Variants in RWDD2B observed in about 807,000 individuals in gnomAD.
RWDD2B encodes the protein RWD domain-containing protein 2B.
A neutral mutation model predicts 33.6 loss-of-function variants in RWDD2B; 36 were observed. That is an observed-to-expected ratio of 1.07 (90% CI 0.82 to 1.42). RWDD2B has a LOEUF of 1.42. Among genes scored for constraint, RWDD2B ranks in the 40% most tolerant of loss-of-function variants. RWDD2B has a pLI of 0.00. For missense variants in RWDD2B, 364 were observed against 377.5 expected, an observed-to-expected ratio of 0.96 and a Z score of 0.30; for synonymous variants, 126 against 133.1, an observed-to-expected ratio of 0.95 and a Z score of 0.37.
chr21:29,012,959 T>C (rs2084871715), intron 1 of RWDD2B, among the ~76,000 whole-genome samples: 1 of 152,168 alleles, frequency 6.6e-6, no homozygotes, highest in African/African-American at 2.4e-5. Flanking sequence ...TCTTTCAACA[T>C]ATGTTAAGTG....
In RWDD2B at chr21:29,008,113, A is replaced by G. The variant is rs772094096; in HGVS notation, c.373T>C (p.Leu125=). 1.2e-6 allele frequency: 2 copies of G among 1,613,134 alleles called. No individual in the cohort carries two copies. Among genetic ancestry groups the G allele is most frequent in the Admixed American group, 3.3e-5 (2 of 59,914 alleles). Residue 125 remains leucine, a synonymous_variant, in exon 4 of 5, where the codon TTG becomes CTG. Coordinates refer to ENST00000493196, the MANE Select transcript of RWDD2B (RefSeq NM_016940.3). ...AGCTGAGTCTGCTGGGATCTACTCAATAATACTGATCTAATAGAAAAGATA... is the reference window on the plus strand; with the variant it reads ...AGCTGAGTCTGCTGGGATCTACTCAGTAATACTGATCTAATAGAAAAGATA... ...LPEITVRSVL[L]SRSQQTQLNT...
intron 1 of RWDD2B, among the ~76,000 whole-genome samples, chr21:29,010,256 A>G (rs1403546348): frequency 6.6e-6 from 1 of 152,008 alleles, no homozygotes; most frequent in African/African-American, 2.4e-5. Flanking sequence ...ACAGAACAGA[A>G]ATTTACAATT....
rs1284547204 is a variant in RWDD2B, at chr21:29,004,514, T to C, written c.*1903A>G. ...GCCACTTTAGCTGCTTAAAGTAATA[T>C]ATGCATCATCTGCCCCCTTTGGTGG... is the stretch of plus-strand genomic sequence containing the variant. On this transcript the variant is annotated 3_prime_UTR_variant, in exon 5 of 5. Coordinates refer to ENST00000493196, the MANE Select transcript of RWDD2B (RefSeq NM_016940.3). The C allele has an allele frequency of 1.3e-5, 2 of 152,238 alleles. No homozygotes were observed. The highest frequency in any genetic ancestry group is 2.9e-5 in the Non-Finnish European group (2 of 68,044). 9.4% of individuals were successfully genotyped at this position (152,238 alleles called of 1,614,324 possible). A position where few individuals can be genotyped will look rare whatever the true frequency, so the allele number is the denominator to read the frequency against.
At chr21:29,012,612 A>G (rs7277778) in intron 1 of RWDD2B, among the ~76,000 whole-genome samples, 102,758 of 150,756 alleles carry the variant, frequency 0.68, 35,672 homozygotes, top group South Asian at 0.78. Context: ...CCTAATCTCA[A>G]GTACCCAGGG....
intron 1 of RWDD2B, among the ~76,000 whole-genome samples, chr21:29,018,353 A>C (rs1376835551): frequency 6.6e-6 from 1 of 152,222 alleles, no homozygotes; most frequent in Non-Finnish European, 1.5e-5. Flanking sequence ...ACACCTGTTA[A>C]ATAGAGAGGT....
In RWDD2B at chr21:29,008,300, A is replaced by T; in HGVS notation, c.302T>A (p.Phe101Tyr). The T allele has an allele frequency of 6.2e-7, 1 of 1,614,196 alleles. No homozygotes were observed. The highest frequency in any genetic ancestry group is 8.5e-7 in the Non-Finnish European group (1 of 1,179,998). The change falls in exon 3 of 5, where the codon TTT (phenylalanine) becomes TAT (tyrosine). Residue 101 changes from phenylalanine (F) to tyrosine (Y), a missense_variant. Phe to Tyr is a conservative substitution (Grantham distance 22). Transcript: ENST00000493196. Reference protein sequence around the residue: ...LDVSDEKMAMFSLACILPFKY... With the variant: ...LDVSDEKMAMYSLACILPFKY... The stretch of plus-strand genomic sequence containing the variant: ...AAAGGGAAGAATACAGGCCAGAGAA[A>T]ACATCGCCTGATTAAAGAGAAGAAG...
chr21:29,018,233 C>T (rs2084899262), intron 1 of RWDD2B, among the ~76,000 whole-genome samples: 2 of 152,158 alleles, frequency 1.3e-5, no homozygotes, highest in East Asian at 3.8e-4. Flanking sequence ...GGAAGAATGA[C>T]TCCGGGGCTT....
At chr21:29,012,448 G>A (rs2084869052) in intron 1 of RWDD2B, among the ~76,000 whole-genome samples, 1 of 151,950 alleles carries the variant, frequency 6.6e-6, no homozygotes, top group African/African-American at 2.4e-5. Context: ...TTCTGCCTTG[G>A]GATCCTGTAG....
intron 1 of RWDD2B, among the ~76,000 whole-genome samples, chr21:29,015,223 CG>C (rs2084883831): frequency 1.4e-5 from 1 of 73,324 alleles, no homozygotes; most frequent in East Asian, 3.2e-4. Flanking sequence ...GATTATGATG[CG>C]TTTTTTTTTT....
chr21:29,008,334 C>G (rs1425960569), intron 2 of RWDD2B, 27 bp from the exon 3 acceptor site: 1 of 1,612,728 alleles, frequency 6.2e-7, no homozygotes, highest in African/African-American at 1.3e-5. Context: ...AGAAAAAGTG[C>G]ACTAACCAAT....
chr21:29,016,965 A>C (rs987321203), intron 1 of RWDD2B, among the ~76,000 whole-genome samples: 2 of 126,670 alleles, frequency 1.6e-5, no homozygotes, highest in African/African-American at 5.1e-5. Context: ...AATTAAAAAA[A>C]CCTTTTTTTT....
rs370905640 is a variant in RWDD2B, at chr21:29,007,962, G to A, written c.524C>T (p.Thr175Ile). 8.9e-5 allele frequency: 143 copies of A among 1,614,208 alleles called. 2 individuals carry two copies. In the South Asian group the frequency reaches 1.3e-3, roughly 15 times the overall value. ...AACTGACTGGACTGTGCTTCCTGTG[G>A]TGGGTGAAGATGAAGTATCTCTGCT... ...YVSRDTSSSP[T>I]TGSTVQSVDL... Residue 175 changes from threonine to isoleucine, a missense_variant, in exon 4 of 5, where the codon ACC (threonine) becomes ATC (isoleucine). Thr to Ile is a moderately conservative substitution (Grantham distance 89). Coordinates refer to ENST00000493196, the MANE Select transcript of RWDD2B (RefSeq NM_016940.3).
Position 29,006,592 on chromosome 21 carries a change from T to C in RWDD2B, c.785A>G (p.Asp262Gly), listed in dbSNP as rs1601018425. ...LIRHREDIPF[D>G]GTNDETERQR... ...TCTTTCCGTTTCATCATTTGTACCA[T>C]CAAAAGGAATGTCTTCTCGATGGCG... is the stretch of plus-strand genomic sequence containing the variant. The change falls in exon 5 of 5, where the codon GAT becomes GGT. Residue 262 changes from aspartate (D) to glycine (G), a missense_variant. Coordinates refer to ENST00000493196, the MANE Select transcript of RWDD2B (RefSeq NM_016940.3). 2 of 1,613,772 alleles carry C rather than the reference T, an allele frequency of 1.2e-6. No homozygotes were observed. Among genetic ancestry groups the C allele is most frequent in the African/African-American group, 2.7e-5 (2 of 75,056 alleles).
chr21:29,009,775 A>G (rs766399442), intron 1 of RWDD2B: 4 of 152,212 alleles, frequency 2.6e-5, no homozygotes, highest in Admixed American at 6.5e-5. Flanking sequence ...ACCCCTGTTA[A>G]CATTAAAACA....
In RWDD2B at chr21:29,019,301, G is replaced by C; in HGVS notation, c.-24C>G. The C allele has an allele frequency of 6.4e-7, 1 of 1,568,958 alleles. No individual in the cohort carries two copies. Among genetic ancestry groups the C allele is most frequent in the Non-Finnish European group, 8.7e-7 (1 of 1,151,924 alleles). ...ATCAGAAGGGAGCCTCAAAATTCTAGCATACTGCGACCCAAAACTTACAAA... is the reference window on the plus strand; with the variant it reads ...ATCAGAAGGGAGCCTCAAAATTCTACCATACTGCGACCCAAAACTTACAAA... On this transcript the variant is annotated 5_prime_UTR_variant, in exon 1 of 5. Coordinates refer to ENST00000493196, the MANE Select transcript of RWDD2B (RefSeq NM_016940.3).
intron 1 of RWDD2B, chr21:29,009,837 A>G (rs1455225029): frequency 2.0e-5 from 3 of 152,220 alleles, no homozygotes; most frequent in Non-Finnish European, 4.4e-5. Flanking sequence ...TAATGTATAA[A>G]TATGTACAAT....
At chr21:29,009,128 C>T (rs559860219) in intron 1 of RWDD2B, among the ~76,000 whole-genome samples, 32 of 152,264 alleles carry the variant, frequency 2.1e-4, no homozygotes, top group African/African-American at 7.7e-4. Context: ...AGCTCTGTCA[C>T]CACAGCTGGA....
intron 1 of RWDD2B, among the ~76,000 whole-genome samples, chr21:29,017,019 C>T (rs767786917): frequency 7.3e-5 from 11 of 151,692 alleles, no homozygotes; most frequent in East Asian, 2.0e-4. Context: ...AGTGCAGAGT[C>T]GGCTCACTAC....
intron 1 of RWDD2B, 49 bp downstream of exon 1, chr21:29,019,162 G>T (rs899886780): frequency 2.0e-6 from 3 of 1,481,156 alleles, no homozygotes; most frequent in Non-Finnish European, 1.9e-6. Flanking sequence ...CTGCAGCGTG[G>T]GAAACCCCCG....
Sources: gnomAD v4.1 joint callset for allele counts (sites outside exome capture counted in the v4.1 genomes callset) on GRCh38, gnomAD v4.1.1 for gene constraint, MANE v1.5 for transcripts, NCBI Gene and HGNC (gene_info 2026-07-23, HGNC 2026-07-21) for gene names.